Variants in FMNL2 observed in about 807,000 individuals in gnomAD.
The protein encoded by FMNL2 is formin-like protein 2.
In FMNL2, 51 loss-of-function variants were observed where a neutral mutation model predicts 130.2. The ratio of observed to expected loss-of-function variants is 0.39; its 90% confidence interval spans 0.31 to 0.49. The LOEUF is 0.49. Ranked by LOEUF, FMNL2 falls within the 20% of genes least tolerant of loss-of-function variation. The probability of loss-of-function intolerance (pLI) is 0.85; values close to 1 mark genes in which losing one functional copy is unlikely to be tolerated. For missense variants in FMNL2, 977 were observed against 1,316.2 expected (o/e 0.74, Z 3.99); for synonymous variants, 465 against 467.1 (o/e 1.00, Z 0.06).
At chr2:152,525,225 G>A (rs546182824) in intron 2 of FMNL2, among the ~76,000 whole-genome samples, 3 of 152,284 alleles carry the variant, frequency 2.0e-5, no homozygotes, top group Non-Finnish European at 2.9e-5. Context: ...GTTTCTTACC[G>A]AAGTTTTGTG....
chr2:152,428,316 A>C (rs1687297575), intron 1 of FMNL2, among the ~76,000 whole-genome samples: 1 of 152,234 alleles, frequency 6.6e-6, no homozygotes, highest in Non-Finnish European at 1.5e-5. Flanking sequence ...GTGAGGGACA[A>C]AAAGCAAGCA....
intron 6 of FMNL2, among the ~76,000 whole-genome samples, chr2:152,561,973 G>A (rs1423281501): frequency 6.6e-6 from 1 of 152,144 alleles, no homozygotes; most frequent in South Asian, 2.1e-4. Flanking sequence ...CTGACCACCT[G>A]TACTAGTAAT....
chr2:152,599,381 T>C (rs1333120789), intron 9 of FMNL2, among the ~76,000 whole-genome samples: 1 of 145,160 alleles, frequency 6.9e-6, no homozygotes, highest in Non-Finnish European at 1.5e-5. Context: ...GGAGTTTTAC[T>C]CTCTAGAATT....
intron 9 of FMNL2, among the ~76,000 whole-genome samples, chr2:152,607,011 T>TTTTG (rs1553485784): frequency 7.6e-6 from 1 of 131,226 alleles, no homozygotes; most frequent in Non-Finnish European, 1.6e-5. Flanking sequence ...TTTTTGTTTT[T>TTTTG]TTTTTTTTTT....
chr2:152,463,830 GT>G (rs953382209), intron 1 of FMNL2, among the ~76,000 whole-genome samples: 3 of 151,210 alleles, frequency 2.0e-5, no homozygotes, highest in East Asian at 1.9e-4. Context: ...ATTGAATGTT[GT>G]TTTTTTTTCT....
At chr2:152,351,152 G>T (rs111965456) in intron 1 of FMNL2, among the ~76,000 whole-genome samples, 8,216 of 152,166 alleles carry the variant, frequency 0.054, 407 homozygotes, top group African/African-American at 0.12. Context: ...GAAAGTACAT[G>T]TTCAATTCTG....
intron 1 of FMNL2, among the ~76,000 whole-genome samples, chr2:152,501,796 G>A (rs1318678418): frequency 6.6e-6 from 1 of 151,994 alleles, no homozygotes; most frequent in East Asian, 1.9e-4. Context: ...AGTCCATACT[G>A]TACTGTTTCT....
At chr2:152,591,109 A>G (rs1697416325) in intron 9 of FMNL2, among the ~76,000 whole-genome samples, 1 of 145,834 alleles carries the variant, frequency 6.9e-6, no homozygotes, top group Non-Finnish European at 1.5e-5. Flanking sequence ...TCCCGGGTTC[A>G]AGCGATTCTC....
chr2:152,348,102 G>A (rs1210960199), intron 1 of FMNL2, among the ~76,000 whole-genome samples: 2 of 151,798 alleles, frequency 1.3e-5, no homozygotes, highest in Non-Finnish European at 1.5e-5. Context: ...CACTTTTTCC[G>A]AGGGTCCTTA....
chr2:152,407,104 CT>C (rs1310273611), intron 1 of FMNL2, among the ~76,000 whole-genome samples: 2 of 152,076 alleles, frequency 1.3e-5, no homozygotes, highest in Non-Finnish European at 2.9e-5. Context: ...TTGCACAGTG[CT>C]TAAGGTAATT....
chr2:152,641,864 A>G (rs923079795), intron 25 of FMNL2, among the ~76,000 whole-genome samples: 4 of 152,196 alleles, frequency 2.6e-5, no homozygotes, highest in African/African-American at 7.2e-5. Flanking sequence ...ATCCCTTAAT[A>G]TCAAATATCT....
chr2:152,416,765 T>C (rs1686639169), intron 1 of FMNL2, among the ~76,000 whole-genome samples: 1 of 152,222 alleles, frequency 6.6e-6, no homozygotes, highest in Non-Finnish European at 1.5e-5. Context: ...TTGGGATGTT[T>C]TAATTTCTAA....
At chr2:152,604,227 G>A (rs546022469) in intron 9 of FMNL2, among the ~76,000 whole-genome samples, 1 of 151,044 alleles carries the variant, frequency 6.6e-6, no homozygotes, top group African/African-American at 2.4e-5. Flanking sequence ...TGTGGGAGAA[G>A]GAACCTCAGG....
chr2:152,466,976 T>G (rs1275175461), intron 1 of FMNL2, among the ~76,000 whole-genome samples: 1 of 152,334 alleles, frequency 6.6e-6, no homozygotes, highest in Non-Finnish European at 1.5e-5. Context: ...GAAATATTCT[T>G]CCTTCTTCCT....
chr2:152,430,611 G>A (rs1461149897), intron 1 of FMNL2, among the ~76,000 whole-genome samples: 2 of 152,166 alleles, frequency 1.3e-5, no homozygotes, highest in African/African-American at 4.8e-5. Context: ...GGTGGCTCAC[G>A]CCTGTAATCC....
At chr2:152,437,945 A>G (rs1365080563) in intron 1 of FMNL2, among the ~76,000 whole-genome samples, 1 of 152,246 alleles carries the variant, frequency 6.6e-6, no homozygotes, top group African/African-American at 2.4e-5. Context: ...AGGAAAAAAC[A>G]GAGCCTTTAT....
chr2:152,483,418 T>A (rs1690640975), intron 1 of FMNL2, among the ~76,000 whole-genome samples: 1 of 152,130 alleles, frequency 6.6e-6, no homozygotes, highest in South Asian at 2.1e-4. Context: ...AGTTTTTCCT[T>A]GTGTATTCAA....
chr2:152,441,351 G>A (rs1164502942), intron 1 of FMNL2, among the ~76,000 whole-genome samples: 1 of 152,224 alleles, frequency 6.6e-6, no homozygotes, highest in African/African-American at 2.4e-5. Flanking sequence ...TTTCTAGGAA[G>A]AGGTGGGATT....
At chr2:152,497,968 T>C (rs1250962984) in intron 1 of FMNL2, among the ~76,000 whole-genome samples, 3 of 152,176 alleles carry the variant, frequency 2.0e-5, no homozygotes, top group Non-Finnish European at 4.4e-5. Flanking sequence ...CCACATGACC[T>C]CTCCCTGGTT....
Sources: gnomAD v4.1 joint callset for allele counts (sites outside exome capture counted in the v4.1 genomes callset) on GRCh38, gnomAD v4.1.1 for gene constraint, MANE v1.5 for transcripts, NCBI Gene and HGNC (gene_info 2026-07-23, HGNC 2026-07-21) for gene names.